Variants in SNX24 observed in about 807,000 individuals in gnomAD.
SNX24 encodes sorting nexin 24, also known as sorting nexin-24.
Under a neutral mutation model 28.7 loss-of-function variants are expected in SNX24, and 22 were observed. The observed-to-expected ratio is 0.77, with a 90% confidence interval of 0.55 to 1.10. SNX24 has a LOEUF of 1.10. SNX24 is among the 50% of genes least tolerant of loss of function. The pLI is 0.00. For missense variants in SNX24, 221 were observed against 201.1 expected (o/e 1.10, Z -0.60); for synonymous variants, 69 against 71.5 (o/e 0.96, Z 0.18).
downstream of SNX24, among the ~76,000 whole-genome samples, chr5:123,012,386 C>A (rs576380567): frequency 6.6e-5 from 10 of 152,282 alleles, no homozygotes; most frequent in East Asian, 1.7e-3. Context: ...TGAAGACATT[C>A]AGAGACATAA....
intron 1 of SNX24, among the ~76,000 whole-genome samples, chr5:122,917,617 G>T (rs556956717): frequency 6.6e-6 from 1 of 152,288 alleles, no homozygotes; most frequent in East Asian, 1.9e-4. Flanking sequence ...CACGGTGGTG[G>T]TGATGTGCGT....
At chr5:123,025,491 G>T (rs777203543) in intron 5 of SNX24, among the ~76,000 whole-genome samples, 5 of 152,152 alleles carry the variant, frequency 3.3e-5, no homozygotes, top group Non-Finnish European at 5.9e-5. Context: ...TCCATTGTGT[G>T]TATATATGGG....
At chr5:122,946,010 C>T in intron 2 of SNX24, 45 bp from the exon 3 acceptor site, 1 of 969,232 alleles carries the variant, frequency 1.0e-6, no homozygotes, top group East Asian at 2.9e-5. Flanking sequence ...TAACAGACAT[C>T]TCTGTTTTTT....
At chr5:122,967,156 A>G (rs1303618105) in intron 3 of SNX24, among the ~76,000 whole-genome samples, 1 of 152,196 alleles carries the variant, frequency 6.6e-6, no homozygotes, top group African/African-American at 2.4e-5. Flanking sequence ...TCATTAATTC[A>G]TAAAATAAAC....
At chr5:122,999,300 G>A (rs2150174369) in intron 3 of SNX24, among the ~76,000 whole-genome samples, 1 of 152,202 alleles carries the variant, frequency 6.6e-6, no homozygotes, top group Non-Finnish European at 1.5e-5. Flanking sequence ...CAGTAAAGTT[G>A]TTACTGACCC....
chr5:122,910,713 G>C (rs1757845632), intron 1 of SNX24, among the ~76,000 whole-genome samples: 1 of 145,756 alleles, frequency 6.9e-6, no homozygotes, highest in African/African-American at 2.6e-5. Context: ...GTGAGAACAT[G>C]TGGTGTTTCG....
At chr5:122,966,270 CT>C (rs928990272) in intron 3 of SNX24, among the ~76,000 whole-genome samples, 1 of 152,010 alleles carries the variant, frequency 6.6e-6, no homozygotes, top group Non-Finnish European at 1.5e-5. Context: ...CAAACTTTTT[CT>C]TTTTTTTATT....
intron 3 of SNX24, among the ~76,000 whole-genome samples, chr5:122,995,256 G>C (rs946509626): frequency 4.6e-5 from 7 of 152,140 alleles, no homozygotes; most frequent in African/African-American, 1.4e-4. Flanking sequence ...TCTTCCAGCA[G>C]CTTTGAAAAT....
intron 4 of SNX24, among the ~76,000 whole-genome samples, chr5:123,001,133 C>T (rs1056976868): frequency 2.0e-5 from 3 of 152,106 alleles, no homozygotes; most frequent in South Asian, 2.1e-4. Flanking sequence ...TGGCAGTGAG[C>T]GAAATGTTTT....
chr5:122,968,876 T>G (rs189523817), intron 3 of SNX24, among the ~76,000 whole-genome samples: 2 of 152,272 alleles, frequency 1.3e-5, no homozygotes, highest in Admixed American at 1.3e-4. Context: ...TTTTTGTATG[T>G]GTTTTATACG....
intron 3 of SNX24, among the ~76,000 whole-genome samples, chr5:122,962,796 T>C (rs762626425): frequency 6.6e-6 from 1 of 152,168 alleles, no homozygotes; most frequent in Non-Finnish European, 1.5e-5. Context: ...ACATAAAACT[T>C]TGGGAGTTTT....
intron 3 of SNX24, among the ~76,000 whole-genome samples, chr5:122,979,850 A>G (rs1422959589): frequency 6.6e-6 from 1 of 152,212 alleles, no homozygotes; most frequent in East Asian, 1.9e-4. Flanking sequence ...CAGTTGTGCC[A>G]TCTCCATTTA....
At chr5:122,846,505 G>T (rs1177958826) in intron 1 of SNX24, among the ~76,000 whole-genome samples, 1 of 152,208 alleles carries the variant, frequency 6.6e-6, no homozygotes, top group African/African-American at 2.4e-5. Context: ...GTTGAAGAAA[G>T]ATTGCAGGGC....
At chr5:123,020,952 C>G (rs904362017) in intron 5 of SNX24, among the ~76,000 whole-genome samples, 1 of 152,200 alleles carries the variant, frequency 6.6e-6, no homozygotes, top group Admixed American at 6.5e-5. Flanking sequence ...GGAGCCAGGG[C>G]AAGGGAATGT....
Position 122,892,461 on chromosome 5 carries a change from T to A in SNX24, c.61-44273T>A, listed in dbSNP as rs1161936620. Among the ~76,000 whole-genome samples, 3 of 152,034 alleles carry A rather than the reference T, an allele frequency of 2.0e-5. No individual in the cohort carries two copies. The South Asian group carries it at 6.2e-4, about 32-fold the overall frequency. ...TATTTTTTATTTTATTTATTTACTT[T>A]TTTTTATTGAGACAGAGTCTCGCTT... On this transcript the variant is annotated intron_variant, in intron 1 of 6. Transcript: ENST00000261369.
chr5:122,983,777 A>T (rs564323876), intron 3 of SNX24, among the ~76,000 whole-genome samples: 30 of 152,282 alleles, frequency 2.0e-4, no homozygotes, highest in Middle Eastern at 3.4e-3. Flanking sequence ...GTTAATTTTT[A>T]AAAAAATTTG....
chr5:122,884,251 C>CCT (rs1554069236), intron 1 of SNX24, among the ~76,000 whole-genome samples: 1 of 92,754 alleles, frequency 1.1e-5, no homozygotes, highest in African/African-American at 4.4e-5. Context: ...GTTTCTTTTT[C>CCT]TTTTTTTTTT....
chr5:122,989,220 A>T (rs1277903596), intron 3 of SNX24, among the ~76,000 whole-genome samples: 1 of 152,200 alleles, frequency 6.6e-6, no homozygotes, highest in Non-Finnish European at 1.5e-5. Context: ...TTTAACCTTA[A>T]GCACTCAGAA....
intron 3 of SNX24, among the ~76,000 whole-genome samples, chr5:122,995,110 A>AGATTAAAGAGTCCAG (rs1762006251): frequency 6.6e-6 from 1 of 152,208 alleles, no homozygotes; most frequent in African/African-American, 2.4e-5. Context: ...TCTGCAAGTC[A>AGATTAAAGAGTCCAG]ATTAAAGAGT....
Sources: gnomAD v4.1 joint callset for allele counts (sites outside exome capture counted in the v4.1 genomes callset) on GRCh38, gnomAD v4.1.1 for gene constraint, MANE v1.5 for transcripts, NCBI Gene and HGNC (gene_info 2026-07-23, HGNC 2026-07-21) for gene names.